Variants in CATSPERE observed in about 807,000 individuals in gnomAD.
CATSPERE encodes the protein catsper channel auxiliary subunit epsilon, also known as cation channel sperm-associated auxiliary subunit epsilon.
Under a neutral mutation model 114.1 loss-of-function variants are expected in CATSPERE, and 93 were observed. That is an observed-to-expected ratio of 0.81 (90% CI 0.69 to 0.97). CATSPERE has a LOEUF of 0.97. Among genes scored for constraint, CATSPERE ranks in the 50% least tolerant of loss-of-function variants. CATSPERE has a pLI of 0.00. For missense variants in CATSPERE, 1,058 were observed against 1,131.6 expected (o/e 0.93, Z 0.93); for synonymous variants, 341 against 384.1 (o/e 0.89, Z 1.31).
chr1:244,533,976 G>A (rs1263475731), intron 8 of CATSPERE, among the ~76,000 whole-genome samples: 1 of 152,010 alleles, frequency 6.6e-6, no homozygotes, highest in African/African-American at 2.4e-5. Flanking sequence ...GCTTTTGTTT[G>A]TCTGGGAACA....
chr1:244,623,637 C>G (rs1180928210), intron 20 of CATSPERE, among the ~76,000 whole-genome samples: 1 of 152,040 alleles, frequency 6.6e-6, no homozygotes, highest in East Asian at 1.9e-4. Flanking sequence ...GCTGCCACTA[C>G]CAAATACAGG....
chr1:244,502,850 CAGA>C (rs1180701334), intron 7 of CATSPERE, among the ~76,000 whole-genome samples: 1 of 152,150 alleles, frequency 6.6e-6, no homozygotes, highest in Non-Finnish European at 1.5e-5. Context: ...AATTGTCCAA[CAGA>C]AGAACAGAAA....
At chr1:244,458,417 CACAG>C (rs1666352870), upstream of CATSPERE, among the ~76,000 whole-genome samples, 1 of 151,976 alleles carries the variant, frequency 6.6e-6, no homozygotes, top group Middle Eastern at 3.4e-3. Context: ...TTTTGCCATC[CACAG>C]ACATTTTGTC....
chr1:244,484,924 C>T (rs943801700), intron 5 of CATSPERE, among the ~76,000 whole-genome samples: 3 of 152,076 alleles, frequency 2.0e-5, no homozygotes, highest in Admixed American at 1.3e-4. Context: ...TTATAGGTTG[C>T]TTGCTGTTTT....
chr1:244,539,037 C>T (rs1051675338), intron 8 of CATSPERE, among the ~76,000 whole-genome samples: 2 of 152,194 alleles, frequency 1.3e-5, no homozygotes, highest in African/African-American at 4.8e-5. Flanking sequence ...CAGCATTCTC[C>T]TTAAACCTTC....
chr1:244,477,800 T>G (rs1669605247), intron 3 of CATSPERE, 106 bp from the exon 4 acceptor site: 1 of 998,450 alleles, frequency 1.0e-6, no homozygotes, highest in Non-Finnish European at 1.5e-6. Flanking sequence ...TAAAAATATC[T>G]CTTATCAGCA....
chr1:244,456,095 C>G (rs957482317), intron 1 of CATSPERE, among the ~76,000 whole-genome samples: 2 of 149,422 alleles, frequency 1.3e-5, no homozygotes, highest in Non-Finnish European at 3.0e-5. Context: ...CGCCCCCCAA[C>G]AGAGAGATGA....
At chr1:244,519,841 T>A (rs1677231281) in intron 8 of CATSPERE, among the ~76,000 whole-genome samples, 1 of 152,094 alleles carries the variant, frequency 6.6e-6, no homozygotes, top group African/African-American at 2.4e-5. Flanking sequence ...AGCCGCCATA[T>A]TTGTGATTGT....
chr1:244,610,159 A>G, intron 18 of CATSPERE, 81 bp from the exon 19 acceptor site: 1 of 881,822 alleles, frequency 1.1e-6, no homozygotes, highest in Admixed American at 2.6e-5. Context: ...AATTTTCAAT[A>G]GCAACAAAAC....
At chr1:244,536,118 G>C (rs1680351162) in intron 8 of CATSPERE, among the ~76,000 whole-genome samples, 1 of 151,804 alleles carries the variant, frequency 6.6e-6, no homozygotes, top group Non-Finnish European at 1.5e-5. Context: ...CTGTGGCTGA[G>C]CTGATATCCA....
In CATSPERE at chr1:244,552,616, C is replaced by T. The variant is rs537004249; in HGVS notation, c.831C>T (p.Asp277=). ...GGACCAGAATCAGAGTGCCTCCAGA[C>T]ATTCTGAGTGATGATGAAAGACGGA... The part of the protein sequence containing the change: ...KSWTRIRVPP[D]ILSDDERRSV... Residue 277 remains aspartate, a synonymous_variant, in exon 9 of 22, where the codon GAC becomes GAT. Transcript: ENST00000366534. 51 of 1,614,194 alleles carry T rather than the reference C, an allele frequency of 3.2e-5. No homozygotes were observed. The Admixed American group carries it at 4.2e-4, about 13-fold the overall frequency.
chr1:244,578,843 T>TATATATATATATATAC (rs756669283), intron 11 of CATSPERE, among the ~76,000 whole-genome samples: 8 of 139,594 alleles, frequency 5.7e-5, no homozygotes, highest in African/African-American at 1.1e-4. Context: ...TATATATATA[T>TATATATATATATATAC]ACACACACAC....
intron 20 of CATSPERE, among the ~76,000 whole-genome samples, chr1:244,624,128 A>ATTTTTTTTTTTTTTTTTTTT (rs58744339): frequency 2.4e-5 from 3 of 125,944 alleles, no homozygotes; most frequent in African/African-American, 2.9e-5. Flanking sequence ...TGCCCAGCTA[A>ATTTTTTTTTTTTTTTTTTTT]TTTTTTTTTT....
intron 19 of CATSPERE, among the ~76,000 whole-genome samples, chr1:244,612,444 G>A (rs990724037): frequency 6.6e-6 from 1 of 151,994 alleles, no homozygotes; most frequent in African/African-American, 2.4e-5. Flanking sequence ...TAAATTCTTA[G>A]GGAAAACACT....
At chr1:244,539,208 T>A (rs1426746468) in intron 8 of CATSPERE, among the ~76,000 whole-genome samples, 20 of 150,040 alleles carry the variant, frequency 1.3e-4, no homozygotes, top group South Asian at 6.4e-4. Flanking sequence ...GTCAAAGGCC[T>A]TTTCTGCATC....
intron 12 of CATSPERE, 129 bp from the exon 13 acceptor site, chr1:244,583,735 G>A (rs542819116): frequency 3.6e-4 from 248 of 698,488 alleles, no homozygotes; most frequent in Non-Finnish European, 3.4e-5. Flanking sequence ...CCATCCTCCA[G>A]GCCTCTAGAA....
chr1:244,510,823 C>CTTTTTTTTTTT (rs1675588369), intron 7 of CATSPERE, among the ~76,000 whole-genome samples: 4 of 91,592 alleles, frequency 4.4e-5, no homozygotes, highest in Non-Finnish European at 9.4e-5. Flanking sequence ...TTTTTTTTTT[C>CTTTTTTTTTTT]TTTTTCTTTT....
upstream of CATSPERE, chr1:244,461,260 C>G: frequency 2.1e-6 from 1 of 485,734 alleles, no homozygotes; most frequent in Non-Finnish European, 3.3e-6. Context: ...TAGCGGCGCG[C>G]ACGCGCACGC....
At chr1:244,526,690 C>G (rs1227249830) in intron 8 of CATSPERE, among the ~76,000 whole-genome samples, 1 of 150,882 alleles carries the variant, frequency 6.6e-6, no homozygotes, top group East Asian at 1.9e-4. Context: ...ACTCTGTCAC[C>G]CAGGCTGGAG....
Sources: allele counts gnomAD v4.1 joint callset (sites outside exome capture counted in the v4.1 genomes callset), GRCh38; gene constraint gnomAD v4.1.1; transcripts MANE v1.5; gene names NCBI Gene and HGNC (gene_info 2026-07-23, HGNC 2026-07-21).